Variants in ACP3 observed in about 807,000 individuals in gnomAD.
The protein encoded by ACP3 is prostatic acid phosphatase.
ACP3 carries 38 observed loss-of-function variants against 45.6 expected under a neutral mutation model. The ratio of observed to expected loss-of-function variants is 0.83; its 90% CI spans 0.64 to 1.09. The LOEUF (loss-of-function observed/expected upper bound fraction) is 1.09, where lower values mean the gene tolerates loss of function less well. ACP3 is among the 50% of genes least tolerant of loss of function. ACP3 has a pLI of 0.00. For missense variants in ACP3, 466 were observed against 463.2 expected (o/e 1.01, Z -0.05); for synonymous variants, 162 against 164.7 (o/e 0.98, Z 0.13).
chr3:132,350,041 AGT>A, intron 8 of ACP3, 39 bp downstream of exon 8: 1 of 1,396,512 alleles, frequency 7.2e-7, no homozygotes, highest in Non-Finnish European at 1.0e-6. Context: ...TGTTTGTTCA[AGT>A]GTGTGATCTC....
chr3:132,352,895 G>A, intron 9 of ACP3, 72 bp downstream of exon 9: 1 of 1,108,830 alleles, frequency 9.0e-7, no homozygotes, highest in East Asian at 2.4e-5. Context: ...TTTGGGTTAA[G>A]GGTTGTGTGC....
At chr3:132,339,565 G>A (rs1015406658) in intron 5 of ACP3, among the ~76,000 whole-genome samples, 6 of 152,192 alleles carry the variant, frequency 3.9e-5, no homozygotes, top group Admixed American at 2.6e-4. Flanking sequence ...CTTTGGGTTC[G>A]ATCAGTTTGC....
intron 1 of ACP3, among the ~76,000 whole-genome samples, chr3:132,319,983 A>C (rs1432578680): frequency 3.3e-5 from 5 of 152,222 alleles, no homozygotes; most frequent in African/African-American, 1.2e-4. Flanking sequence ...TTCTCGGACT[A>C]ACTGAAGTGC....
rs905289859 is a variant in ACP3, at chr3:132,345,109, C to T, written c.781+50C>T. ...CATATTGGATTTGTGGTTGAATGAT[C>T]CAGGTCTGAGTCATTCCCTCCACTA... is the stretch of plus-strand genomic sequence containing the variant. On this transcript the variant is annotated intron_variant, in intron 7 of 9. Coordinates refer to ENST00000336375, the MANE Select transcript of ACP3 (RefSeq NM_001099.5). 1.0e-5 allele frequency: 16 copies of T among 1,528,034 alleles called. No individual in the cohort carries two copies. The African/African-American group carries it at 1.2e-4, about 12-fold the overall frequency. 94.7% of individuals were successfully genotyped at this position (1,528,034 alleles called of 1,614,324 possible).
chr3:132,330,738 C>T (rs1004914133), intron 2 of ACP3, among the ~76,000 whole-genome samples: 1 of 152,138 alleles, frequency 6.6e-6, no homozygotes, highest in African/African-American at 2.4e-5. Flanking sequence ...CCGTAACAAC[C>T]TCCTCTCTGG....
At chr3:132,355,942 C>G (rs543984749) in intron 9 of ACP3, among the ~76,000 whole-genome samples, 7 of 152,316 alleles carry the variant, frequency 4.6e-5, no homozygotes, top group Admixed American at 1.3e-4. Context: ...AGAAGGATCT[C>G]TAAATCCTTC....
intron 5 of ACP3, among the ~76,000 whole-genome samples, chr3:132,339,516 T>A (rs1172559519): frequency 6.6e-6 from 1 of 152,114 alleles, no homozygotes; most frequent in Non-Finnish European, 1.5e-5. Context: ...TCCAAACTTC[T>A]GACAGGCTGG....
intron 7 of ACP3, among the ~76,000 whole-genome samples, chr3:132,346,194 A>C (rs569450273): frequency 1.4e-4 from 22 of 152,342 alleles, no homozygotes; most frequent in African/African-American, 5.1e-4. Flanking sequence ...TTAACTAGGG[A>C]AAAAATTCAA....
chr3:132,346,363 T>A (rs1937608846), intron 7 of ACP3, among the ~76,000 whole-genome samples: 1 of 152,068 alleles, frequency 6.6e-6, no homozygotes, highest in African/African-American at 2.4e-5. Flanking sequence ...GGGCAAAAAA[T>A]TTAGGACAGT....
chr3:132,356,036 T>C (rs1017537598), intron 9 of ACP3, among the ~76,000 whole-genome samples: 31 of 152,234 alleles, frequency 2.0e-4, no homozygotes, highest in Non-Finnish European at 3.8e-4. Flanking sequence ...GTTTACACCA[T>C]TGGACCTTCC....
At chr3:132,352,348 C>T (rs924550324) in intron 8 of ACP3, among the ~76,000 whole-genome samples, 22 of 148,628 alleles carry the variant, frequency 1.5e-4, no homozygotes, top group African/African-American at 5.5e-4. Flanking sequence ...CAGGCCCATG[C>T]CACCACACCC....
At chr3:132,352,175 T>G (rs1383427182) in intron 8 of ACP3, among the ~76,000 whole-genome samples, 1 of 152,010 alleles carries the variant, frequency 6.6e-6, no homozygotes, top group Admixed American at 6.6e-5. Context: ...GGGTCTCAAT[T>G]TCTTCATCTT....
At chr3:132,360,038 AG>A (rs1938010594), downstream of ACP3, among the ~76,000 whole-genome samples, 2 of 152,224 alleles carry the variant, frequency 1.3e-5, no homozygotes, top group Non-Finnish European at 2.9e-5. Context: ...AGATTTATTC[AG>A]TATGATCTTA....
At chr3:132,367,010 T>G (rs1266466039) in intron 10 of ACP3, among the ~76,000 whole-genome samples, 1 of 152,206 alleles carries the variant, frequency 6.6e-6, no homozygotes, top group African/African-American at 2.4e-5. Context: ...CCCTATATTT[T>G]TACAATGAAA....
chr3:132,367,702 A>T lies in ACP3; in HGVS notation c.1139-2A>T. 6.3e-7 allele frequency: 1 copy of T among 1,594,812 alleles called. No homozygotes were observed. On this transcript the variant is annotated splice_acceptor_variant, in intron 10 of 10. Transcript: ENST00000351273. LOFTEE classifies it high-confidence loss of function. Reference sequence around the variant, plus strand: ...ATTAATACTTTTCCTATTTTCCCACAGTTCTAAAGGTCATCTTTGCTGTTG... The same window carrying T: ...ATTAATACTTTTCCTATTTTCCCACTGTTCTAAAGGTCATCTTTGCTGTTG...
At chr3:132,348,858 T>G (rs1937652714) in intron 7 of ACP3, among the ~76,000 whole-genome samples, 1 of 152,196 alleles carries the variant, frequency 6.6e-6, no homozygotes, top group Non-Finnish European at 1.5e-5. Context: ...TTTTATGAGT[T>G]TTTGGAGGGC....
In ACP3 at chr3:132,358,286, T is replaced by C; in HGVS notation, c.*1408T>C. The C allele has an allele frequency of 9.0e-7, 1 of 1,105,086 alleles. No homozygotes were observed. The highest frequency in any genetic ancestry group is 1.1e-6 in the Non-Finnish European group (1 of 893,490). The allele number at this position is 1,105,086 out of a possible 1,614,324, so 68.5% of individuals were successfully genotyped here. ...TGAAACAAAATTAGAAATGTAATTA[T>C]GTTCTAAGTGCCTCCAAGTTCAAAA... On this transcript the variant is annotated 3_prime_UTR_variant, in exon 10 of 10. Coordinates refer to ENST00000336375, the MANE Select transcript of ACP3 (RefSeq NM_001099.5).
chr3:132,320,576 G>A (rs1937188073), intron 1 of ACP3, among the ~76,000 whole-genome samples: 1 of 151,840 alleles, frequency 6.6e-6, no homozygotes, highest in Non-Finnish European at 1.5e-5. Flanking sequence ...TGACTTACAA[G>A]GTATACACTC....
intron 10 of ACP3, among the ~76,000 whole-genome samples, chr3:132,366,315 A>G (rs1384459680): frequency 6.6e-6 from 1 of 151,674 alleles, no homozygotes; most frequent in Non-Finnish European, 1.5e-5. Context: ...AAAAAAAAAA[A>G]TTACAAAGGA....
Sources: allele counts gnomAD v4.1 joint callset (sites outside exome capture counted in the v4.1 genomes callset), GRCh38; gene constraint gnomAD v4.1.1; transcripts MANE v1.5; gene names NCBI Gene and HGNC (gene_info 2026-07-23, HGNC 2026-07-21).